The following CA10 variants were observed in gnomAD, a reference collection of about 807,000 sequenced individuals.
CA10 encodes the protein carbonic anhydrase 10 (inactive), also known as carbonic anhydrase-related protein 10.
CA10 carries 14 observed loss-of-function variants against 44.2 expected under a neutral mutation model. That is an observed-to-expected ratio of 0.32 (90% confidence interval 0.21 to 0.50). The LOEUF is 0.50. Ranked by LOEUF, CA10 falls within the 20% of genes least tolerant of loss-of-function variation. The pLI is 0.99. For synonymous variants in CA10, 159 were observed against 141.6 expected, an observed-to-expected ratio of 1.12 and a Z score of -0.87; for missense variants, 350 against 409.7, an observed-to-expected ratio of 0.85 and a Z score of 1.26.
chr17:52,151,946 G>C (rs1398418960), intron 1 of CA10, among the ~76,000 whole-genome samples: 1 of 152,032 alleles, frequency 6.6e-6, no homozygotes, highest in African/African-American at 2.4e-5. Context: ...GTATGCATTG[G>C]CCAATGGCTA....
intron 1 of CA10, among the ~76,000 whole-genome samples, chr17:52,073,192 T>C (rs1442355285): frequency 1.3e-5 from 2 of 152,234 alleles, no homozygotes; most frequent in Non-Finnish European, 2.9e-5. Context: ...TTGGCTACTA[T>C]TAATGTTAAA....
chr17:52,140,528 AT>A (rs745880281), intron 1 of CA10, among the ~76,000 whole-genome samples: 1 of 151,974 alleles, frequency 6.6e-6, no homozygotes, highest in Non-Finnish European at 1.5e-5. Flanking sequence ...TCCTCTTTTG[AT>A]TTTTTTCCCC....
chr17:51,761,501 A>C (rs1205985795), intron 3 of CA10: 1 of 152,222 alleles, frequency 6.6e-6, no homozygotes, highest in Non-Finnish European at 1.5e-5. Flanking sequence ...TAAATGACAT[A>C]AAAGTGGGAA....
intron 3 of CA10, among the ~76,000 whole-genome samples, chr17:51,911,517 G>A (rs764492200): frequency 2.0e-5 from 3 of 152,138 alleles, no homozygotes; most frequent in Admixed American, 6.6e-5. Flanking sequence ...ATAGGCCCTG[G>A]TTGTATTTGG....
intron 1 of CA10, among the ~76,000 whole-genome samples, chr17:52,075,817 C>T (rs1182774565): frequency 6.6e-6 from 1 of 152,128 alleles, no homozygotes; most frequent in Admixed American, 6.5e-5. Context: ...ATGTTGAACA[C>T]TAGAGGATAG....
At chr17:52,109,863 T>A (rs1210939306) in intron 1 of CA10, among the ~76,000 whole-genome samples, 1 of 152,184 alleles carries the variant, frequency 6.6e-6, no homozygotes, top group African/African-American at 2.4e-5. Flanking sequence ...AAGAATCATG[T>A]TCCTTTCTGA....
chr17:51,800,844 C>A (rs774258774), intron 3 of CA10, among the ~76,000 whole-genome samples: 2 of 152,136 alleles, frequency 1.3e-5, no homozygotes, highest in Non-Finnish European at 2.9e-5. Flanking sequence ...GCTCAGATAT[C>A]TTTCCTAGAT....
chr17:51,855,756 A>G (rs7224194), intron 3 of CA10, among the ~76,000 whole-genome samples: 8,991 of 152,290 alleles, frequency 0.059, 316 homozygotes, highest in African/African-American at 0.1. Context: ...AAGTAAAAAG[A>G]GGTAATGATG....
chr17:52,080,453 A>AAAAT (rs71357869), intron 1 of CA10, among the ~76,000 whole-genome samples: 6,073 of 137,970 alleles, frequency 0.044, 136 homozygotes, highest in South Asian at 0.064. Flanking sequence ...CTCCATCTCA[A>AAAAT]AAATAAATAA....
chr17:51,752,037 C>T (rs1342578535), intron 3 of CA10, among the ~76,000 whole-genome samples: 2 of 152,114 alleles, frequency 1.3e-5, no homozygotes, highest in Non-Finnish European at 2.9e-5. Flanking sequence ...TATGGGCAAT[C>T]CATAACTGCT....
chr17:51,639,299 C>T (rs551913462), intron 6 of CA10, among the ~76,000 whole-genome samples: 7 of 152,082 alleles, frequency 4.6e-5, no homozygotes, highest in African/African-American at 1.2e-4. Flanking sequence ...TTATTTTATT[C>T]GGGGCGGTGG....
At chr17:52,006,536 G>C (rs1018983040) in intron 2 of CA10, among the ~76,000 whole-genome samples, 9 of 151,666 alleles carry the variant, frequency 5.9e-5, no homozygotes, top group Admixed American at 2.6e-4. Context: ...TCTTTCCCTA[G>C]AGGTAATCAA....
chr17:51,969,843 C>A (rs531919067), intron 2 of CA10, among the ~76,000 whole-genome samples: 1 of 151,716 alleles, frequency 6.6e-6, no homozygotes, highest in South Asian at 2.1e-4. Context: ...AACAAAGAAA[C>A]GGAAAAAAAA....
chr17:52,123,112 G>A (rs1989046372), intron 1 of CA10, among the ~76,000 whole-genome samples: 1 of 152,102 alleles, frequency 6.6e-6, no homozygotes, highest in Non-Finnish European at 1.5e-5. Context: ...CAAAGGCGGA[G>A]ATACTTGACC....
At chr17:52,115,503 T>G (rs1331808107) in intron 1 of CA10, among the ~76,000 whole-genome samples, 1 of 152,242 alleles carries the variant, frequency 6.6e-6, no homozygotes, top group Non-Finnish European at 1.5e-5. Context: ...TCAGGAATGT[T>G]GGCCTCAGTC....
chr17:51,938,503 T>C (rs1197375664), intron 2 of CA10, among the ~76,000 whole-genome samples: 4 of 152,160 alleles, frequency 2.6e-5, no homozygotes, highest in Admixed American at 6.6e-5. Context: ...CATTTATTTC[T>C]TGGATCCATA....
At chr17:51,851,713 A>G (rs1978803678) in intron 3 of CA10, among the ~76,000 whole-genome samples, 1 of 152,204 alleles carries the variant, frequency 6.6e-6, no homozygotes, top group Non-Finnish European at 1.5e-5. Context: ...GGGCAAATAC[A>G]TGGTCCTTGA....
intron 3 of CA10, among the ~76,000 whole-genome samples, chr17:51,759,732 A>C (rs1198066981): frequency 3.3e-5 from 5 of 151,960 alleles, no homozygotes. Flanking sequence ...GCTTCCTTTG[A>C]TGTTCATTTG....
chr17:51,878,893 G>GTGT (rs1555608413), intron 3 of CA10, among the ~76,000 whole-genome samples: 4 of 52,362 alleles, frequency 7.6e-5, no homozygotes, highest in African/African-American at 2.0e-4. Context: ...TATATATATG[G>GTGT]GTGTGTGTGT....
Sources: allele counts gnomAD v4.1 joint callset (sites outside exome capture counted in the v4.1 genomes callset), GRCh38; gene constraint gnomAD v4.1.1; transcripts MANE v1.5; gene names NCBI Gene and HGNC (gene_info 2026-07-23, HGNC 2026-07-21).